The following OCIAD2 variants were observed in gnomAD, a reference collection of about 807,000 sequenced individuals.
OCIAD2 encodes OCIA domain-containing protein 2.
OCIAD2 carries 29 observed loss-of-function variants against 22.9 expected under a neutral mutation model. The observed-to-expected ratio is 1.27, with a 90% CI of 0.94 to 1.73. OCIAD2 has a LOEUF of 1.73. Ranked by LOEUF, OCIAD2 falls within the 40% of genes most tolerant of loss-of-function variation. The pLI, the probability that OCIAD2 is intolerant of heterozygous loss-of-function variation, is 0.00. For synonymous variants in OCIAD2, 67 were observed against 60.2 expected, an observed-to-expected ratio of 1.11 and a Z score of -0.52; for missense variants, 189 against 180.3, an observed-to-expected ratio of 1.05 and a Z score of -0.28.
intron 2 of OCIAD2, 98 bp downstream of exon 2, chr4:48,904,386 C>A (rs1406306139): frequency 2.0e-6 from 2 of 1,024,644 alleles, no homozygotes; most frequent in Non-Finnish European, 3.1e-6. Flanking sequence ...CAGTTCGAGA[C>A]TGCAGTGAGC....
At chr4:48,889,756 G>T (rs1032688375) in intron 6 of OCIAD2, among the ~76,000 whole-genome samples, 6 of 152,232 alleles carry the variant, frequency 3.9e-5, no homozygotes, top group East Asian at 1.9e-4. Context: ...CCATTACTGG[G>T]TATATACCCA....
intron 6 of OCIAD2, among the ~76,000 whole-genome samples, chr4:48,890,950 T>C (rs1781162695): frequency 6.6e-6 from 1 of 152,212 alleles, no homozygotes; most frequent in African/African-American, 2.4e-5. Flanking sequence ...ATCCTTAGCA[T>C]GGCATAAATT....
intron 2 of OCIAD2, among the ~76,000 whole-genome samples, chr4:48,900,706 C>T (rs756015457): frequency 2.0e-5 from 3 of 149,066 alleles, no homozygotes; most frequent in Non-Finnish European, 4.4e-5. Context: ...GATCTTGGCT[C>T]ACTGCAGACT....
chr4:48,888,633 T>C (rs1781066855), intron 6 of OCIAD2, among the ~76,000 whole-genome samples: 1 of 152,206 alleles, frequency 6.6e-6, no homozygotes, highest in African/African-American at 2.4e-5. Context: ...TATGGTAGAT[T>C]ATGTTTATTG....
intron 6 of OCIAD2, among the ~76,000 whole-genome samples, chr4:48,890,825 G>A (rs1013448252): frequency 2.0e-5 from 3 of 152,122 alleles, no homozygotes; most frequent in African/African-American, 7.2e-5. Context: ...TGGGTGGGAA[G>A]GATTACTTCG....
In OCIAD2 at chr4:48,901,124, T is replaced by C. The variant is rs187843110; in HGVS notation, c.67-1199A>G. 8.5e-5 allele frequency among the ~76,000 whole-genome samples: 13 copies of C among 152,248 alleles called. No homozygotes were observed. The East Asian group carries it at 1.3e-3, about 16-fold the overall frequency. ...TTTGGGTGAATGTATCTTTTTAATG[T>C]AAATAGCACTGTTTTATATATTTTA... is the stretch of plus-strand genomic sequence containing the variant. On this transcript the variant is annotated intron_variant, in intron 2 of 6. Coordinates refer to ENST00000508632, the MANE Select transcript of OCIAD2 (RefSeq NM_001014446.3).
chr4:48,900,822 G>A (rs777564826), intron 2 of OCIAD2, among the ~76,000 whole-genome samples: 8 of 152,026 alleles, frequency 5.3e-5, no homozygotes, highest in Non-Finnish European at 1.0e-4. Flanking sequence ...TCAAACTCCT[G>A]AGCTCAAGCA....
chr4:48,891,929 T>G (rs182969087), intron 6 of OCIAD2, among the ~76,000 whole-genome samples: 2 of 152,354 alleles, frequency 1.3e-5, no homozygotes, highest in Non-Finnish European at 2.9e-5. Flanking sequence ...TTGGGTCTCA[T>G]GCAGCTCATC....
intron 4 of OCIAD2, among the ~76,000 whole-genome samples, chr4:48,897,498 C>G (rs996790320): frequency 2.5e-4 from 38 of 152,276 alleles, no homozygotes; most frequent in African/African-American, 9.1e-4. Flanking sequence ...TGTAAGGACC[C>G]TTTCAATTAC....
At chr4:48,906,217 A>AC (rs986630943) in intron 1 of OCIAD2, among the ~76,000 whole-genome samples, 21 of 151,288 alleles carry the variant, frequency 1.4e-4, no homozygotes, top group African/African-American at 4.6e-4. Flanking sequence ...TGTAGCTCCC[A>AC]CCCCCCACGC....
intron 2 of OCIAD2, among the ~76,000 whole-genome samples, chr4:48,901,535 G>C (rs1781418273): frequency 6.6e-6 from 1 of 152,160 alleles, no homozygotes; most frequent in Non-Finnish European, 1.5e-5. Context: ...TAAGCTGATA[G>C]GTATAAAGTA....
chr4:48,900,035 T>C (rs1399159197), intron 2 of OCIAD2, 110 bp from the exon 3 acceptor site: 12 of 695,016 alleles, frequency 1.7e-5, no homozygotes, highest in Non-Finnish European at 2.7e-5. Context: ...CAGTGTGTGT[T>C]CTCTACCAGA....
chr4:48,904,609 T>G lies in OCIAD2; in HGVS notation c.-60A>C. 1 of 1,455,770 alleles carries G rather than the reference T, an allele frequency of 6.9e-7. No homozygotes were observed. The highest frequency in any genetic ancestry group is 1.1e-5 in the South Asian group (1 of 87,974). 90.2% of individuals were successfully genotyped at this position (1,455,770 alleles called of 1,614,324 possible). A position where few individuals can be genotyped will look rare whatever the true frequency, so the allele number is the denominator to read the frequency against. ...ATCCTCTGCTTACTCCTTGACCCAG[T>G]GTCTAAGGAAGGTAGAAGAGAATCA... On this transcript the variant is annotated splice_region_variant and 5_prime_UTR_variant, in exon 2 of 7. Coordinates refer to ENST00000508632, the MANE Select transcript of OCIAD2 (RefSeq NM_001014446.3).
chr4:48,890,283 CT>C (rs1158124845), intron 6 of OCIAD2, among the ~76,000 whole-genome samples: 1 of 151,576 alleles, frequency 6.6e-6, no homozygotes, highest in Non-Finnish European at 1.5e-5. Flanking sequence ...GGAGTTGTTG[CT>C]TGGTTTATGA....
intron 6 of OCIAD2, among the ~76,000 whole-genome samples, chr4:48,887,399 T>C (rs1393460350): frequency 2.6e-5 from 4 of 152,230 alleles, no homozygotes; most frequent in African/African-American, 9.6e-5. Flanking sequence ...GTTTTAGACA[T>C]GAAGTCCTTG....
chr4:48,889,447 G>T (rs1781100008), intron 6 of OCIAD2, among the ~76,000 whole-genome samples: 1 of 152,160 alleles, frequency 6.6e-6, no homozygotes, highest in South Asian at 2.1e-4. Flanking sequence ...GTGGGCAAAG[G>T]TTATGAACAG....
At chr4:48,890,424 T>C (rs559996170) in intron 6 of OCIAD2, among the ~76,000 whole-genome samples, 13 of 152,242 alleles carry the variant, frequency 8.5e-5, no homozygotes, top group African/African-American at 2.9e-4. Flanking sequence ...TTTCTAACAA[T>C]AGCATAAAAA....
intron 6 of OCIAD2, among the ~76,000 whole-genome samples, chr4:48,892,373 A>G (rs1781196637): frequency 6.6e-6 from 1 of 152,174 alleles, no homozygotes; most frequent in Admixed American, 6.5e-5. Context: ...TTAACTCCAA[A>G]GTCGTACTGC....
intron 3 of OCIAD2, among the ~76,000 whole-genome samples, chr4:48,898,755 A>T (rs1781354906): frequency 1.3e-5 from 2 of 152,242 alleles, no homozygotes; most frequent in South Asian, 4.1e-4. Flanking sequence ...TGTAATGTTT[A>T]GCTATAATTT....
Sources: allele counts gnomAD v4.1 joint callset (sites outside exome capture counted in the v4.1 genomes callset), GRCh38; gene constraint gnomAD v4.1.1; transcripts MANE v1.5; gene names NCBI Gene and HGNC (gene_info 2026-07-23, HGNC 2026-07-21).